NSD1: variants seen among roughly 807,000 people sequenced by gnomAD.
NSD1 encodes the protein histone-lysine N-methyltransferase, H3 lysine-36 specific.
In NSD1, 26 loss-of-function variants were observed where a neutral mutation model predicts 242.7. The observed-to-expected ratio is 0.11, with a 90% CI of 0.08 to 0.15. The LOEUF (loss-of-function observed/expected upper bound fraction) is 0.15, where lower values mean the gene tolerates loss of function less well. Ranked by LOEUF, NSD1 falls within the 10% of genes least tolerant of loss-of-function variation. NSD1 has a pLI of 1.00. For missense variants in NSD1, 2,495 were observed against 3,272.8 expected (o/e 0.76, Z 5.80); for synonymous variants, 1,106 against 1,178.1 (o/e 0.94, Z 1.25).
At chr5:177,176,387 G>T (rs1167437448) in intron 2 of NSD1, among the ~76,000 whole-genome samples, 2 of 149,626 alleles carry the variant, frequency 1.3e-5, no homozygotes, top group Non-Finnish European at 1.5e-5. Flanking sequence ...ATAGTGCTGT[G>T]TTGGGATTAC....
intron 5 of NSD1, among the ~76,000 whole-genome samples, chr5:177,232,250 G>A (rs908208138): frequency 2.0e-5 from 3 of 152,092 alleles, no homozygotes; most frequent in Non-Finnish European, 4.4e-5. Flanking sequence ...ATACTAAATC[G>A]ATGAAGTGTT....
chr5:177,280,490 A>G (rs1758786295), intron 17 of NSD1, 75 bp from the exon 18 acceptor site: 2 of 1,573,286 alleles, frequency 1.3e-6, no homozygotes, highest in Admixed American at 1.7e-5. Context: ...AAGGAAAAAA[A>G]GTTTGCCTTT....
intron 5 of NSD1, among the ~76,000 whole-genome samples, chr5:177,219,676 CTT>C (rs1447437351): frequency 6.6e-6 from 1 of 152,036 alleles, no homozygotes; most frequent in African/African-American, 2.4e-5. Context: ...TTTGTTAAGA[CTT>C]GTGTGGCTGG....
chr5:177,229,318 G>C (rs1007806122), intron 5 of NSD1, among the ~76,000 whole-genome samples: 9 of 152,120 alleles, frequency 5.9e-5, no homozygotes, highest in Non-Finnish European at 1.2e-4. Flanking sequence ...GTGACATTTT[G>C]TAGTTGTATA....
chr5:177,159,472 G>A (rs1338028978), intron 2 of NSD1, among the ~76,000 whole-genome samples: 1 of 151,758 alleles, frequency 6.6e-6, no homozygotes, highest in Non-Finnish European at 1.5e-5. Flanking sequence ...TAGTAGAGAC[G>A]AGGTTTCACC....
In NSD1 at chr5:177,295,175, C is replaced by CT; in HGVS notation, c.7808dup (p.Gly2604ArgfsTer10). 6.2e-7 allele frequency: 1 copy of CT among 1,614,222 alleles called. No individual in the cohort carries two copies. The highest frequency in any genetic ancestry group is 8.5e-7 in the Non-Finnish European group (1 of 1,180,040). ...CAAGAGTGGGCAATCTTTTAGGTCTCTCGGGAAGGCCCCAGCCTCCCTCCC... is the reference window on the plus strand; with the variant it reads ...CAAGAGTGGGCAATCTTTTAGGTCTCTTCGGGAAGGCCCCAGCCTCCCTCCC... On this transcript the variant is annotated frameshift_variant, in exon 23 of 23. Coordinates refer to ENST00000439151, the MANE Select transcript of NSD1 (RefSeq NM_022455.5). LOFTEE classifies it high-confidence loss of function. The surrounding 1 kb of genome is among the most constrained non-coding windows in gnomAD (Gnocchi z 4.3).
chr5:177,282,520 C>T lies in NSD1; in HGVS notation c.5948C>T (p.Ala1983Val), dbSNP rs2127260660. 1 of 1,613,906 alleles carries T rather than the reference C, an allele frequency of 6.2e-7. No individual in the cohort carries two copies. The highest frequency in any genetic ancestry group is 1.1e-5 in the South Asian group (1 of 91,066). ...CTTATAGATGAAGAAGAATGCAGAG[C>T]TCGAATTCGCTATGCTCAAGAACAT... Reference protein sequence around the residue: ...GELIDEEECRARIRYAQEHDI... With the variant: ...GELIDEEECRVRIRYAQEHDI... Residue 1983 changes from alanine (A) to valine (V), a missense_variant, in exon 19 of 23, where the codon GCT (alanine) becomes GTT (valine). Coordinates refer to ENST00000439151, the MANE Select transcript of NSD1 (RefSeq NM_022455.5).
At chr5:177,191,712 A>G (rs1761710972) in intron 2 of NSD1, among the ~76,000 whole-genome samples, 172 bp from the exon 3 acceptor site, 1 of 152,244 alleles carries the variant, frequency 6.6e-6, no homozygotes, top group Admixed American at 6.5e-5. Flanking sequence ...CTATGTTATG[A>G]ACAATTAAGA....
At chr5:177,152,512 C>T (rs1482941667) in intron 2 of NSD1, among the ~76,000 whole-genome samples, 1 of 142,338 alleles carries the variant, frequency 7.0e-6, no homozygotes, top group Non-Finnish European at 1.5e-5. Flanking sequence ...CGGAGTCTCC[C>T]TCTGTCGCCA....
intron 19 of NSD1, 62 bp downstream of exon 19, chr5:177,282,643 A>G: frequency 1.6e-6 from 2 of 1,244,544 alleles, no homozygotes; most frequent in Non-Finnish European, 2.4e-6. Flanking sequence ...TGTCCCAGCC[A>G]TAGTATTTGT....
intron 14 of NSD1, chr5:177,266,471 C>T (rs1307733536): frequency 8.1e-6 from 5 of 617,442 alleles, no homozygotes; most frequent in Admixed American, 4.6e-5. Context: ...CCGAAGTGGG[C>T]GTAGGAGTCA....
rs1756094176 is a variant in NSD1, at chr5:177,134,147, G to A, written c.-18+195G>A. 1 of 151,516 alleles carries A rather than the reference G, an allele frequency of 6.6e-6. No individual in the cohort carries two copies. Among genetic ancestry groups the A allele is most frequent in the Non-Finnish European group, 1.5e-5 (1 of 67,740 alleles). The allele number at this position is 151,516 out of a possible 1,614,324, so 9.4% of individuals were successfully genotyped here. A position where few individuals can be genotyped will look rare whatever the true frequency, so the allele number is the denominator to read the frequency against. ...CCCCCTCCTCCATCACTACCAGCCG[G>A]GCTCAGGCCTAGCTGGCCGGGCTGC... On this transcript the variant is annotated intron_variant, in intron 1 of 22. Coordinates refer to ENST00000439151, the MANE Select transcript of NSD1 (RefSeq NM_022455.5). The surrounding 1 kb of genome is among the most constrained non-coding windows in gnomAD (Gnocchi z 4.2).
intron 20 of NSD1, among the ~76,000 whole-genome samples, chr5:177,288,355 T>A (rs2127269595): frequency 6.6e-6 from 1 of 152,324 alleles, no homozygotes; most frequent in East Asian, 1.9e-4. Context: ...CTACAACCAG[T>A]CTGTAATCTA....
Position 177,294,889 on chromosome 5 carries a change from CTG to C in NSD1, c.7527_7528del (p.Ser2510ArgfsTer21). ...GHMPRAVEKG[C>X]VSDPLQTSGK... Reference sequence around the variant, plus strand: ...ATATGCCGAGAGCTGTTGAGAAAGGCTGTGTGTCAGATCCTCTTCAGACATCT... The same window carrying C: ...ATATGCCGAGAGCTGTTGAGAAAGGCTGTGTCAGATCCTCTTCAGACATCT... On this transcript the variant is annotated frameshift_variant, in exon 23 of 23. Transcript: ENST00000439151. LOFTEE classifies it high-confidence loss of function. The C allele has an allele frequency of 6.2e-7, 1 of 1,613,814 alleles. No individual in the cohort carries two copies. Among genetic ancestry groups the C allele is most frequent in the Non-Finnish European group, 8.5e-7 (1 of 1,179,918 alleles).
chr5:177,259,317 T>A (rs768341802), intron 13 of NSD1, among the ~76,000 whole-genome samples: 1 of 152,218 alleles, frequency 6.6e-6, no homozygotes, highest in Non-Finnish European at 1.5e-5. Context: ...ACTTGTTGGA[T>A]CAAAATTGCA....
Position 177,219,962 on chromosome 5 carries a change from A to C in NSD1, c.3796+7767A>C, listed in dbSNP as rs560687655. ...GGGCGACAGAGTAAGATCCTGTGTCAAAAAAAAAAGACTCTGTGTGACCAT... is the reference window on the plus strand; with the variant it reads ...GGGCGACAGAGTAAGATCCTGTGTCCAAAAAAAAAGACTCTGTGTGACCAT... On this transcript the variant is annotated intron_variant, in intron 5 of 22. Coordinates refer to ENST00000439151, the MANE Select transcript of NSD1 (RefSeq NM_022455.5). 1.3e-3 allele frequency among the ~76,000 whole-genome samples: 197 copies of C among 148,948 alleles called. 1 individual carries two copies. Among genetic ancestry groups the C allele is most frequent in the Middle Eastern group, 6.8e-3 (2 of 292 alleles).
At chr5:177,171,672 C>T (rs1759721634) in intron 2 of NSD1, among the ~76,000 whole-genome samples, 2 of 152,092 alleles carry the variant, frequency 1.3e-5, no homozygotes, top group South Asian at 4.1e-4. Context: ...ACTCTATTTG[C>T]CTATCCTAGG....
At chr5:177,248,377 G>C (rs1766465415) in intron 11 of NSD1, 53 bp downstream of exon 11, 1 of 1,578,474 alleles carries the variant, frequency 6.3e-7, no homozygotes, top group East Asian at 2.3e-5. Context: ...TCTTTAAAGG[G>C]AAACCCACTC....
intron 2 of NSD1, among the ~76,000 whole-genome samples, chr5:177,142,994 C>G (rs1263882221): frequency 6.6e-6 from 1 of 152,148 alleles, no homozygotes; most frequent in Admixed American, 6.6e-5. Context: ...CTTTATTCTC[C>G]TGGTCTGATT....
Sources: allele counts gnomAD v4.1 joint callset (sites outside exome capture counted in the v4.1 genomes callset), GRCh38; gene constraint gnomAD v4.1.1; non-coding constraint Gnocchi (gnomAD v3.1); transcripts MANE v1.5; gene names NCBI Gene and HGNC (gene_info 2026-07-23, HGNC 2026-07-21).